The following CCSER1 variants were observed in gnomAD, a reference collection of about 807,000 sequenced individuals.
CCSER1 encodes the protein coiled-coil serine rich protein 1, also known as serine-rich coiled-coil domain-containing protein 1.
A neutral mutation model predicts 82.0 loss-of-function variants in CCSER1; 41 were observed. The ratio of observed to expected loss-of-function variants is 0.50; its 90% CI spans 0.39 to 0.65. The LOEUF is 0.65. CCSER1 is among the 30% of genes least tolerant of loss of function. The pLI, the probability that CCSER1 is intolerant of heterozygous loss-of-function variation, is 0.00. For synonymous variants in CCSER1, 414 were observed against 383.9 expected, an observed-to-expected ratio of 1.08 and a Z score of -0.92; for missense variants, 1,119 against 1,064.2, an observed-to-expected ratio of 1.05 and a Z score of -0.72.
chr4:90,220,201 T>C (rs780006684), intron 1 of CCSER1, among the ~76,000 whole-genome samples: 6 of 152,170 alleles, frequency 3.9e-5, no homozygotes, highest in South Asian at 2.1e-4. Flanking sequence ...CATAGGTGTG[T>C]ATGTATAAGG....
chr4:91,174,411 CAG>C (rs1264162855), intron 10 of CCSER1, among the ~76,000 whole-genome samples: 1 of 151,974 alleles, frequency 6.6e-6, no homozygotes, highest in Non-Finnish European at 1.5e-5. Flanking sequence ...AAAAACATGA[CAG>C]AGATTTTGAT....
At position 91,423,205 on chromosome 4, in the gene CCSER1, C is replaced by A. The variant is rs1265720342; in HGVS notation, c.2218-175367C>A. 3.3e-5 allele frequency among the ~76,000 whole-genome samples: 5 copies of A among 151,460 alleles called. No homozygotes were observed. In the East Asian group the frequency reaches 9.7e-4, roughly 29 times the overall value. On this transcript the variant is annotated intron_variant, in intron 10 of 10. Coordinates refer to ENST00000509176, the MANE Select transcript of CCSER1 (RefSeq NM_001145065.2). Reference sequence around the variant, plus strand: ...CTTTGGGAGGCTGAGGCGGGCAGATCACCTGAGGTCAGGAGTTCAAGACCA... The same window carrying A: ...CTTTGGGAGGCTGAGGCGGGCAGATAACCTGAGGTCAGGAGTTCAAGACCA...
At chr4:90,916,793 C>A (rs1489400036) in intron 8 of CCSER1, among the ~76,000 whole-genome samples, 1 of 152,124 alleles carries the variant, frequency 6.6e-6, no homozygotes, top group East Asian at 1.9e-4. Context: ...CCAGAATCTA[C>A]AAAGAACTCA....
At chr4:91,076,884 G>C (rs559128130) in intron 9 of CCSER1, among the ~76,000 whole-genome samples, 2 of 152,198 alleles carry the variant, frequency 1.3e-5, no homozygotes, top group Non-Finnish European at 2.9e-5. Context: ...TTTTGTAGTT[G>C]AGAAGATAAG....
At chr4:90,872,090 A>C (rs1004544158) in intron 8 of CCSER1, among the ~76,000 whole-genome samples, 13 of 151,704 alleles carry the variant, frequency 8.6e-5, no homozygotes, top group Non-Finnish European at 1.6e-4. Flanking sequence ...TAGAGAGCAG[A>C]TAGTTGGGGC....
intron 10 of CCSER1, among the ~76,000 whole-genome samples, chr4:91,539,356 CT>C (rs1761470186): frequency 6.6e-6 from 1 of 152,040 alleles, no homozygotes; most frequent in Non-Finnish European, 1.5e-5. Context: ...CCTTCTGACG[CT>C]TAAACTTATC....
intron 7 of CCSER1, among the ~76,000 whole-genome samples, chr4:90,789,586 C>T (rs777611157): frequency 5.9e-5 from 9 of 152,088 alleles, no homozygotes; most frequent in African/African-American, 1.4e-4. Context: ...TGGAAGAACT[C>T]GGTGGGAGGT....
At chr4:91,453,375 A>G in intron 10 of CCSER1, among the ~76,000 whole-genome samples, 1 of 152,026 alleles carries the variant, frequency 6.6e-6, no homozygotes, top group East Asian at 1.9e-4. Context: ...TTCTCCCGTC[A>G]GCCAGGTCAT....
At chr4:90,469,840 T>C (rs939424392) in intron 5 of CCSER1, among the ~76,000 whole-genome samples, 2 of 152,190 alleles carry the variant, frequency 1.3e-5, no homozygotes, top group African/African-American at 2.4e-5. Context: ...ATGTCCCTTA[T>C]TCAAAATGCT....
intron 7 of CCSER1, among the ~76,000 whole-genome samples, chr4:90,815,458 G>A (rs1417446507): frequency 1.3e-5 from 2 of 151,796 alleles, no homozygotes; most frequent in Non-Finnish European, 2.9e-5. Flanking sequence ...TCTGTCATAG[G>A]CAAATAAATC....
At chr4:91,355,603 A>G (rs1373101522) in intron 10 of CCSER1, among the ~76,000 whole-genome samples, 1 of 152,144 alleles carries the variant, frequency 6.6e-6, no homozygotes, top group Non-Finnish European at 1.5e-5. Flanking sequence ...TCTCAGTCTG[A>G]CGAAGGTTAG....
intron 1 of CCSER1, among the ~76,000 whole-genome samples, chr4:90,132,531 G>A (rs1479731232): frequency 6.6e-6 from 1 of 152,124 alleles, no homozygotes; most frequent in African/African-American, 2.4e-5. Context: ...AAAATATAAA[G>A]CTGACTATTC....
At chr4:90,475,524 C>T (rs1764957493) in intron 5 of CCSER1, among the ~76,000 whole-genome samples, 1 of 152,152 alleles carries the variant, frequency 6.6e-6, no homozygotes, top group South Asian at 2.1e-4. Context: ...TCAGAAGAAT[C>T]ATTCAGTGCT....
intron 1 of CCSER1, among the ~76,000 whole-genome samples, chr4:90,282,025 G>A (rs1728953229): frequency 6.6e-6 from 1 of 152,040 alleles, no homozygotes; most frequent in Non-Finnish European, 1.5e-5. Context: ...ACTGAGCAAA[G>A]CATTCTGTTA....
chr4:90,996,730 CA>C (rs1232387556), intron 9 of CCSER1, among the ~76,000 whole-genome samples: 3 of 151,946 alleles, frequency 2.0e-5, no homozygotes, highest in African/African-American at 7.3e-5. Context: ...TTTTTCATTT[CA>C]AAAATGTTAT....
chr4:90,526,631 C>T (rs534134999), intron 5 of CCSER1, among the ~76,000 whole-genome samples: 129 of 152,230 alleles, frequency 8.5e-4, no homozygotes, highest in African/African-American at 2.6e-3. Flanking sequence ...GTTTGGTTTT[C>T]GGTTCCTGTG....
At chr4:90,476,352 C>A (rs1296904757) in intron 5 of CCSER1, among the ~76,000 whole-genome samples, 1 of 152,114 alleles carries the variant, frequency 6.6e-6, no homozygotes, top group East Asian at 1.9e-4. Context: ...TCTGGAGGAC[C>A]ACATAACGCA....
chr4:91,264,617 A>T (rs1741433737), intron 10 of CCSER1, among the ~76,000 whole-genome samples: 1 of 152,032 alleles, frequency 6.6e-6, no homozygotes, highest in Non-Finnish European at 1.5e-5. Context: ...AGCATAATGA[A>T]TTTTTAAAAT....
Position 91,035,205 on chromosome 4 carries a change from AAAAGATTAGTATT to A in CCSER1, c.2173-50741_2173-50729del, listed in dbSNP as rs546793414. Among the ~76,000 whole-genome samples the A allele has an allele frequency of 3.4e-3, 518 of 152,294 alleles. 1 individual carries two copies. Among genetic ancestry groups the A allele is most frequent in the African/African-American group, 0.011 (460 of 41,566 alleles). On this transcript the variant is annotated intron_variant, in intron 9 of 10. Coordinates refer to ENST00000509176, the MANE Select transcript of CCSER1 (RefSeq NM_001145065.2). ...TGTCATCATTTGCTAGAATTTGACC[AAAAGATTAGTATT>A]AAACATTCATGGAACTGAAATAAAG...
Sources: gnomAD v4.1 joint callset for allele counts (sites outside exome capture counted in the v4.1 genomes callset) on GRCh38, gnomAD v4.1.1 for gene constraint, MANE v1.5 for transcripts, NCBI Gene and HGNC (gene_info 2026-07-23, HGNC 2026-07-21) for gene names.